Variants in FBLN2 observed in about 807,000 individuals in gnomAD.
FBLN2 encodes fibulin-2.
FBLN2 carries 81 observed loss-of-function variants against 123.7 expected under a neutral mutation model. The observed-to-expected ratio is 0.65, with a 90% CI of 0.55 to 0.79. FBLN2 has a LOEUF of 0.79. Ranked by LOEUF, FBLN2 falls within the 30% of genes least tolerant of loss-of-function variation. FBLN2 has a pLI of 0.00. For synonymous variants in FBLN2, 699 were observed against 701.4 expected, an observed-to-expected ratio of 1.00 and a Z score of 0.05; for missense variants, 1,603 against 1,681.3, an observed-to-expected ratio of 0.95 and a Z score of 0.81.
At position 13,566,923 on chromosome 3, in the gene FBLN2, G is replaced by A. The variant is rs1323307703; in HGVS notation, c.-41-3392G>A. ...TATGACCTGAGGTATGGTGGAACACGTTCACTGGGTGGATGCAGAACCAGG... is the reference window on the plus strand; with the variant it reads ...TATGACCTGAGGTATGGTGGAACACATTCACTGGGTGGATGCAGAACCAGG... On this transcript the variant is annotated intron_variant, in intron 1 of 17. Coordinates refer to ENST00000404922, the MANE Select transcript of FBLN2 (RefSeq NM_001004019.2). Among the ~76,000 whole-genome samples the A allele has an allele frequency of 2.0e-5, 3 of 152,258 alleles. No homozygotes were observed. In the East Asian group the frequency reaches 5.8e-4, roughly 29 times the overall value.
intron 2 of FBLN2, among the ~76,000 whole-genome samples, chr3:13,572,944 G>C (rs575159960): frequency 6.6e-6 from 1 of 152,148 alleles, no homozygotes; most frequent in African/African-American, 2.4e-5. Context: ...AAGACCCCAC[G>C]CAGGTTTGAA....
At chr3:13,600,896 G>A (rs976057500) in intron 2 of FBLN2, among the ~76,000 whole-genome samples, 3 of 152,184 alleles carry the variant, frequency 2.0e-5, no homozygotes, top group Non-Finnish European at 2.9e-5. Context: ...GATTACAGGC[G>A]TGAGCCACTG....
At chr3:13,569,834 A>G (rs1703868407) in intron 1 of FBLN2, among the ~76,000 whole-genome samples, 1 of 128,450 alleles carries the variant, frequency 7.8e-6, no homozygotes, top group East Asian at 2.0e-4. Context: ...TGTGCGTGGG[A>G]CTGTGCGTGT....
In FBLN2 at chr3:13,570,780, C is replaced by A; in HGVS notation, c.425C>A (p.Ala142Glu). ...TGCGGCCAGGTGGGCTGCGTCCACG[C>A]GGGCCACAAGTACGCCGCTGGCCAC... is the stretch of plus-strand genomic sequence containing the variant. ...PQCGQVGCVH[A>E]GHKYAAGHTV... The change falls in exon 2 of 18, where the codon GCG becomes GAG. Residue 142 changes from alanine to glutamate, a missense_variant. Ala to Glu is a moderately radical substitution (Grantham distance 107, BLOSUM62 -1). Transcript: ENST00000404922. The A allele has an allele frequency of 6.3e-7, 1 of 1,598,632 alleles. No homozygotes were observed. Among genetic ancestry groups the A allele is most frequent in the Middle Eastern group, 1.7e-4 (1 of 6,028 alleles).
At chr3:13,558,796 C>T (rs12639345) in intron 1 of FBLN2, among the ~76,000 whole-genome samples, 2,236 of 17,728 alleles carry the variant, frequency 0.13, 76 homozygotes, top group African/African-American at 0.27. Context: ...CACCCACCCA[C>T]CCACCCACCC....
chr3:13,609,501 C>T lies in FBLN2; in HGVS notation c.1419-12C>T, dbSNP rs752157367. The T allele has an allele frequency of 3.9e-6, 6 of 1,535,460 alleles. No individual in the cohort carries two copies. In the African/African-American group the frequency reaches 4.1e-5, roughly 11 times the overall value. On this transcript the variant is annotated splice_polypyrimidine_tract_variant and intron_variant, in intron 3 of 17. Coordinates refer to ENST00000404922, the MANE Select transcript of FBLN2 (RefSeq NM_001004019.2). The stretch of plus-strand genomic sequence containing the variant: ...TGGGCGACTGGGGGCTAAGTTACCC[C>T]CTCTGTTTCAGGACAGCCCAGAGGC...
At chr3:13,587,496 G>T (rs374259585) in intron 2 of FBLN2, among the ~76,000 whole-genome samples, 1 of 152,142 alleles carries the variant, frequency 6.6e-6, no homozygotes, top group Non-Finnish European at 1.5e-5. Flanking sequence ...CAAGCTCCAT[G>T]CATGGTAAGG....
chr3:13,549,530 C>T (rs1024996726), intron 1 of FBLN2, among the ~76,000 whole-genome samples: 3 of 151,890 alleles, frequency 2.0e-5, no homozygotes, highest in Admixed American at 6.5e-5. Context: ...ACTTCTCCCC[C>T]CTGGGCCGGC....
At chr3:13,563,050 G>C (rs1283717542) in intron 1 of FBLN2, among the ~76,000 whole-genome samples, 1 of 152,200 alleles carries the variant, frequency 6.6e-6, no homozygotes, top group Non-Finnish European at 1.5e-5. Flanking sequence ...CTTGATCCGT[G>C]TGACTCGAGT....
intron 5 of FBLN2, among the ~76,000 whole-genome samples, chr3:13,614,736 A>G (rs1705532188): frequency 6.7e-6 from 1 of 149,618 alleles, no homozygotes. Flanking sequence ...TCATTCATCC[A>G]TGTATCTATC....
At chr3:13,584,408 GCCCAGA>G (rs1212761749) in intron 2 of FBLN2, among the ~76,000 whole-genome samples, 1 of 152,160 alleles carries the variant, frequency 6.6e-6, no homozygotes, top group Non-Finnish European at 1.5e-5. Context: ...GGCTCTCTCT[GCCCAGA>G]CCTCCCATCC....
At chr3:13,572,731 G>A (rs1487288952) in intron 2 of FBLN2, among the ~76,000 whole-genome samples, 1 of 152,252 alleles carries the variant, frequency 6.6e-6, no homozygotes, top group Non-Finnish European at 1.5e-5. Context: ...GCGAGAAGGG[G>A]AATGGTCCGC....
At chr3:13,621,314 A>G (rs974960592) in intron 8 of FBLN2, among the ~76,000 whole-genome samples, 1 of 152,226 alleles carries the variant, frequency 6.6e-6, no homozygotes, top group Non-Finnish European at 1.5e-5. Flanking sequence ...TTGGTGTGAA[A>G]TCTGCATACA....
At chr3:13,606,434 C>A (rs1020317333) in intron 2 of FBLN2, among the ~76,000 whole-genome samples, 1 of 152,152 alleles carries the variant, frequency 6.6e-6, no homozygotes. Context: ...TTAAGACATT[C>A]TCCCCTACCT....
chr3:13,636,382 G>T (rs1706469075), intron 16 of FBLN2, 63 bp from the exon 17 acceptor site: 2 of 1,592,440 alleles, frequency 1.3e-6, no homozygotes, highest in East Asian at 2.3e-5. Flanking sequence ...CATGCAGGCT[G>T]GGGAGTTTCA....
intron 14 of FBLN2, 55 bp downstream of exon 14, chr3:13,630,000 C>T (rs1304305997): frequency 6.3e-7 from 1 of 1,595,496 alleles, no homozygotes; most frequent in African/African-American, 1.3e-5. Context: ...AGTGGGCAGA[C>T]CCGCCGTGGA....
chr3:13,554,482 A>G (rs61562973), intron 1 of FBLN2, among the ~76,000 whole-genome samples: 1 of 152,328 alleles, frequency 6.6e-6, no homozygotes, highest in East Asian at 1.9e-4. Context: ...CACATCGTCA[A>G]AAAACATTGA....
At chr3:13,555,541 G>A (rs982509080) in intron 1 of FBLN2, among the ~76,000 whole-genome samples, 7 of 151,940 alleles carry the variant, frequency 4.6e-5, no homozygotes, top group East Asian at 1.9e-4. Flanking sequence ...TGCAAGCTCC[G>A]CCTCCCAGGT....
intron 2 of FBLN2, among the ~76,000 whole-genome samples, chr3:13,601,926 T>A (rs1487352873): frequency 1.3e-5 from 2 of 152,186 alleles, no homozygotes; most frequent in African/African-American, 4.8e-5. Flanking sequence ...GGCTCCTGAA[T>A]AGCTGGAAAT....
Sources: allele counts gnomAD v4.1 joint callset (sites outside exome capture counted in the v4.1 genomes callset), GRCh38; gene constraint gnomAD v4.1.1; transcripts MANE v1.5; gene names NCBI Gene and HGNC (gene_info 2026-07-23, HGNC 2026-07-21).